ROBO1: variants seen among roughly 807,000 people sequenced by gnomAD.
The protein encoded by ROBO1 is roundabout homolog 1.
A neutral mutation model predicts 195.9 loss-of-function variants in ROBO1; 149 were observed. The ratio of observed to expected loss-of-function variants is 0.76; its 90% confidence interval spans 0.67 to 0.87. ROBO1 has a LOEUF of 0.87. Ranked by LOEUF, ROBO1 falls within the 40% of genes least tolerant of loss-of-function variation. The probability of loss-of-function intolerance (pLI) is 0.00; values close to 1 mark genes in which losing one functional copy is unlikely to be tolerated. For missense variants in ROBO1, 1,933 were observed against 2,068.3 expected (o/e 0.93, Z 1.27); for synonymous variants, 816 against 733.2 (o/e 1.11, Z -1.82).
At chr3:79,074,850 C>T (rs2079145110) in intron 3 of ROBO1, among the ~76,000 whole-genome samples, 3 of 151,692 alleles carry the variant, frequency 2.0e-5, no homozygotes, top group Non-Finnish European at 4.4e-5. Context: ...AAATCTGTAG[C>T]ACAAATAAAC....
intron 4 of ROBO1, among the ~76,000 whole-genome samples, chr3:78,798,882 C>G (rs9309819): frequency 2.1e-4 from 32 of 151,846 alleles, no homozygotes; most frequent in Non-Finnish European, 8.8e-5. Context: ...ATGTGAATGG[C>G]GACTAAGATG....
At chr3:79,112,959 A>T (rs1032953472) in intron 3 of ROBO1, among the ~76,000 whole-genome samples, 5 of 152,158 alleles carry the variant, frequency 3.3e-5, no homozygotes, top group Admixed American at 1.3e-4. Flanking sequence ...GTGGTTAAAA[A>T]AAAAAGACCT....
chr3:78,961,342 A>T (rs2041336851), intron 3 of ROBO1, among the ~76,000 whole-genome samples: 1 of 152,232 alleles, frequency 6.6e-6, no homozygotes, highest in Admixed American at 6.5e-5. Context: ...TACCTTGTAT[A>T]ACCCACAGAA....
Position 78,635,982 on chromosome 3 carries a change from C to G in ROBO1, c.3164G>C (p.Ser1055Thr). Residue 1055 changes from serine (S) to threonine (T), a missense_variant, in exon 23 of 31, where the codon AGC becomes ACC. This residue lies in a region of ROBO1 where 1,737 missense variants were observed against 1,882.5 expected (regional missense o/e 0.92). Transcript: ENST00000464233. ...NKINEMKTFN[S>T]PNLKDGRFVN... ...AAAACGCCCATCCTTCAGATTTGGG[C>G]TATTGAAGGTTTTCATCTCATTGAT... 6.2e-7 allele frequency: 1 copy of G among 1,613,832 alleles called. No homozygotes were observed. The highest frequency in any genetic ancestry group is 1.1e-5 in the South Asian group (1 of 91,076).
intron 2 of ROBO1, among the ~76,000 whole-genome samples, chr3:79,281,385 T>A (rs1449248616): frequency 6.6e-6 from 1 of 152,202 alleles, no homozygotes; most frequent in African/African-American, 2.4e-5. Flanking sequence ...CACATATGTA[T>A]ACATGTGCCA....
At chr3:79,610,524 C>G (rs1040598859) in intron 1 of ROBO1, among the ~76,000 whole-genome samples, 1 of 151,934 alleles carries the variant, frequency 6.6e-6, no homozygotes, top group African/African-American at 2.4e-5. Flanking sequence ...AATATTGGAC[C>G]TTGTTGAATT....
chr3:79,067,380 T>C (rs2079021005), intron 3 of ROBO1, among the ~76,000 whole-genome samples: 1 of 152,008 alleles, frequency 6.6e-6, no homozygotes, highest in South Asian at 2.1e-4. Context: ...TCTTACAAGT[T>C]TAATGATGCT....
chr3:79,285,183 A>G (rs1389101394), intron 2 of ROBO1, among the ~76,000 whole-genome samples: 2 of 152,176 alleles, frequency 1.3e-5, no homozygotes, highest in Non-Finnish European at 2.9e-5. Flanking sequence ...CTAACCGATT[A>G]AAGACATTCA....
chr3:78,794,428 G>A (rs984031562), intron 4 of ROBO1, among the ~76,000 whole-genome samples: 1 of 152,000 alleles, frequency 6.6e-6, no homozygotes, highest in African/African-American at 2.4e-5. Context: ...GTGGTGTATG[G>A]GACCTTGGAG....
At chr3:78,939,487 G>A (rs1287711355) in intron 3 of ROBO1, among the ~76,000 whole-genome samples, 7 of 151,092 alleles carry the variant, frequency 4.6e-5, no homozygotes, top group Non-Finnish European at 8.9e-5. Flanking sequence ...GCGTGGTGGC[G>A]GACACCTGAA....
At chr3:78,979,425 T>C (rs919717828) in intron 3 of ROBO1, among the ~76,000 whole-genome samples, 3 of 152,228 alleles carry the variant, frequency 2.0e-5, no homozygotes, top group African/African-American at 7.2e-5. Context: ...CTGAAAGCAA[T>C]GGACTGAATA....
At chr3:79,329,823 G>T (rs1576983360) in intron 2 of ROBO1, among the ~76,000 whole-genome samples, 1 of 152,100 alleles carries the variant, frequency 6.6e-6, no homozygotes, top group South Asian at 2.1e-4. Context: ...TTATTTAATG[G>T]ACATAACCTT....
At chr3:78,723,972 A>G (rs912085227) in intron 5 of ROBO1, among the ~76,000 whole-genome samples, 2 of 152,174 alleles carry the variant, frequency 1.3e-5, no homozygotes. Flanking sequence ...AAAATACAAC[A>G]TTCTGTTATA....
chr3:78,618,461 ATC>A (rs1425621729), intron 26 of ROBO1, among the ~76,000 whole-genome samples: 7 of 152,210 alleles, frequency 4.6e-5, no homozygotes, highest in South Asian at 2.1e-4. Flanking sequence ...CTCCACAAAC[ATC>A]TGTTTCTTTC....
At chr3:79,327,189 A>T (rs766806899) in intron 2 of ROBO1, among the ~76,000 whole-genome samples, 3 of 152,094 alleles carry the variant, frequency 2.0e-5, no homozygotes, top group Non-Finnish European at 4.4e-5. Flanking sequence ...CTTTCACTGA[A>T]AAATTGTCCA....
At chr3:79,216,592 T>C (rs908712522) in intron 2 of ROBO1, among the ~76,000 whole-genome samples, 1 of 151,958 alleles carries the variant, frequency 6.6e-6, no homozygotes, top group African/African-American at 2.4e-5. Flanking sequence ...CGAACAGTAA[T>C]ATTTTATAGA....
chr3:78,743,718 C>T lies in ROBO1; in HGVS notation c.657+3025G>A, dbSNP rs1456235159. ...GAAAGTTCTACACATAACTCAGGGG[C>T]TCAGGCTCTCAGGGTGTCTTCCACG... On this transcript the variant is annotated intron_variant, in intron 5 of 30. Transcript: ENST00000464233. 1.3e-5 allele frequency among the ~76,000 whole-genome samples: 2 copies of T among 152,140 alleles called. 1 individual carries two copies. Among genetic ancestry groups the T allele is most frequent in the Non-Finnish European group, 2.9e-5 (2 of 68,036 alleles).
intron 2 of ROBO1, among the ~76,000 whole-genome samples, chr3:79,200,583 T>G (rs908092821): frequency 6.6e-6 from 1 of 151,670 alleles, no homozygotes. Flanking sequence ...TACAAAGAAG[T>G]GCCAATTAAG....
chr3:78,668,297 C>T lies in ROBO1; in HGVS notation c.1636G>A (p.Gly546Arg). Reference protein sequence around the residue: ...WSAYIEVQEFGVPVQPPRPTD... With the variant: ...WSAYIEVQEFRVPVQPPRPTD... ...GGTCTTGGAGGCTGAACTGGAACTC[C>T]AAATTCTAAAAAGCAGGAAAAAGGC... The change falls in exon 13 of 31, where the codon GGA becomes AGA. Residue 546 changes from glycine to arginine, a missense_variant. This residue lies in a region of ROBO1 where 1,737 missense variants were observed against 1,882.5 expected (regional missense o/e 0.92). Coordinates refer to ENST00000464233, the MANE Select transcript of ROBO1 (RefSeq NM_002941.4). 1.9e-6 allele frequency: 3 copies of T among 1,611,940 alleles called. No individual in the cohort carries two copies. The highest frequency in any genetic ancestry group is 2.5e-6 in the Non-Finnish European group (3 of 1,179,218).
Sources: allele counts gnomAD v4.1 joint callset (sites outside exome capture counted in the v4.1 genomes callset), GRCh38; gene constraint gnomAD v4.1.1; regional missense constraint gnomAD v4.1.1; transcripts MANE v1.5; gene names NCBI Gene and HGNC (gene_info 2026-07-23, HGNC 2026-07-21).